The following KDM2A variants were observed in gnomAD, a reference collection of about 807,000 sequenced individuals.
KDM2A encodes lysine-specific demethylase 2A.
KDM2A carries 3 observed loss-of-function variants against 137.3 expected under a neutral mutation model. The observed-to-expected ratio is 0.02, with a 90% CI of 0.01 to 0.06. KDM2A has a LOEUF of 0.06. KDM2A is among the 10% of genes least tolerant of loss of function. KDM2A has a pLI of 1.00. For synonymous variants in KDM2A, 512 were observed against 541.5 expected (o/e 0.95, Z 0.76); for missense variants, 738 against 1,510.6 (o/e 0.49, Z 8.48).
intron 10 of KDM2A, among the ~76,000 whole-genome samples, chr11:67,225,093 G>T (rs541731205): frequency 6.6e-6 from 1 of 152,064 alleles, no homozygotes; most frequent in Non-Finnish European, 1.5e-5. Flanking sequence ...CTCCCAAAGC[G>T]CTGGGATTAC....
At chr11:67,165,847 T>C (rs1214168205) in intron 2 of KDM2A, among the ~76,000 whole-genome samples, 1 of 152,174 alleles carries the variant, frequency 6.6e-6, no homozygotes, top group Non-Finnish European at 1.5e-5. Flanking sequence ...GAAAGGTCAC[T>C]CTTACTTCCC....
intron 2 of KDM2A, among the ~76,000 whole-genome samples, chr11:67,145,803 G>C (rs1316383588): frequency 4.0e-5 from 6 of 150,510 alleles, no homozygotes; most frequent in African/African-American, 1.5e-4. Context: ...TGTTCTTTCT[G>C]AATCATACAT....
chr11:67,125,437 T>TCCCAAAGTGCTGGG (rs1394021010), intron 2 of KDM2A, among the ~76,000 whole-genome samples: 1 of 151,774 alleles, frequency 6.6e-6, no homozygotes, highest in African/African-American at 2.4e-5. Context: ...CGCCTTGGCC[T>TCCCAAAGTGCTGGG]CCCAACAAGT....
chr11:67,155,388 A>G (rs1352239528), intron 2 of KDM2A, among the ~76,000 whole-genome samples: 1 of 150,816 alleles, frequency 6.6e-6, no homozygotes, highest in East Asian at 2.0e-4. Flanking sequence ...GGTTCATTGC[A>G]GCGTCATACT....
rs370799587 is a variant in KDM2A, at chr11:67,243,002, C to T, written c.1480-7C>T. Reference sequence around the variant, plus strand: ...TGATTTTTCCTTCTTTTCCCTCCTACCCTTAGATTTTGCTGGAGGAGCTTG... The same window carrying T: ...TGATTTTTCCTTCTTTTCCCTCCTATCCTTAGATTTTGCTGGAGGAGCTTG... On this transcript the variant is annotated splice_region_variant and splice_polypyrimidine_tract_variant and intron_variant, in intron 12 of 20. Coordinates refer to ENST00000529006, the MANE Select transcript of KDM2A (RefSeq NM_012308.3). 3 of 1,612,814 alleles carry T rather than the reference C, an allele frequency of 1.9e-6. No individual in the cohort carries two copies. Among genetic ancestry groups the T allele is most frequent in the African/African-American group, 1.3e-5 (1 of 74,884 alleles).
At chr11:67,201,627 G>C (rs1259976377) in intron 5 of KDM2A, among the ~76,000 whole-genome samples, 2 of 151,778 alleles carry the variant, frequency 1.3e-5, no homozygotes, top group African/African-American at 4.8e-5. Flanking sequence ...AATTAGCCGA[G>C]TGTGGTGGCA....
At chr11:67,130,853 T>A (rs964662068) in intron 2 of KDM2A, among the ~76,000 whole-genome samples, 8 of 150,726 alleles carry the variant, frequency 5.3e-5, no homozygotes, top group African/African-American at 2.0e-4. Flanking sequence ...TGGTATCGTT[T>A]TAAACCTTGA....
chr11:67,162,886 T>C (rs183310230), intron 2 of KDM2A, among the ~76,000 whole-genome samples: 1 of 152,168 alleles, frequency 6.6e-6, no homozygotes, highest in Admixed American at 6.6e-5. Flanking sequence ...GCTAATTTAA[T>C]AAATTTTTTA....
chr11:67,142,122 T>C (rs1856118838), intron 2 of KDM2A, among the ~76,000 whole-genome samples: 1 of 151,860 alleles, frequency 6.6e-6, no homozygotes, highest in Non-Finnish European at 1.5e-5. Flanking sequence ...CACTGCAACC[T>C]CCACTTCCCA....
intron 5 of KDM2A, among the ~76,000 whole-genome samples, chr11:67,191,160 A>C (rs1857344097): frequency 6.6e-6 from 1 of 152,114 alleles, no homozygotes; most frequent in Admixed American, 6.6e-5. Flanking sequence ...TCCCTGCCTC[A>C]GCCTCCCAAG....
In KDM2A at chr11:67,250,503, T is replaced by G. The variant is rs936498299; in HGVS notation, c.2473T>G (p.Ser825Ala). The G allele has an allele frequency of 6.2e-7, 1 of 1,613,982 alleles. No individual in the cohort carries two copies. The highest frequency in any genetic ancestry group is 8.5e-7 in the Non-Finnish European group (1 of 1,179,894). The change falls in exon 17 of 21, where the codon TCC becomes GCC. Residue 825 changes from serine (S) to alanine (A), a missense_variant. This residue lies in a region of KDM2A where 244 missense variants were observed against 324.6 expected (regional missense o/e 0.75). Coordinates refer to ENST00000529006, the MANE Select transcript of KDM2A (RefSeq NM_012308.3). The surrounding 1 kb of genome is among the most constrained non-coding windows in gnomAD (Gnocchi z 7.1). ...IVPKLQAITA[S>A]SANLRHSPRV... ...GCCCAAGCTGCAGGCCATCACGGCCTCCTCTGCCAACCTTCGCCATTCCCC... is the reference window on the plus strand; with the variant it reads ...GCCCAAGCTGCAGGCCATCACGGCCGCCTCTGCCAACCTTCGCCATTCCCC...
chr11:67,188,787 T>C (rs1409943141), intron 5 of KDM2A, among the ~76,000 whole-genome samples: 3 of 123,330 alleles, frequency 2.4e-5, no homozygotes, highest in Non-Finnish European at 4.8e-5. Flanking sequence ...CAAGACACTG[T>C]CTCAAAAAAA....
chr11:67,185,487 G>A (rs910347375), intron 5 of KDM2A, among the ~76,000 whole-genome samples: 11 of 151,942 alleles, frequency 7.2e-5, no homozygotes, highest in Non-Finnish European at 1.5e-5. Flanking sequence ...AACTTAACTG[G>A]GCATGGTGGT....
chr11:67,127,822 T>C (rs1337534671), intron 2 of KDM2A, among the ~76,000 whole-genome samples: 1 of 151,982 alleles, frequency 6.6e-6, no homozygotes, highest in Non-Finnish European at 1.5e-5. Context: ...ATTCTCCTGC[T>C]TCAGCCTCTG....
intron 13 of KDM2A, 35 bp downstream of exon 13, chr11:67,243,127 T>C (rs1859100046): frequency 6.7e-7 from 1 of 1,490,720 alleles, no homozygotes; most frequent in Non-Finnish European, 9.4e-7. Context: ...TTAGGCTGCT[T>C]AAGCCTTTTG....
At chr11:67,202,980 G>T (rs1857680466) in intron 5 of KDM2A, among the ~76,000 whole-genome samples, 1 of 149,236 alleles carries the variant, frequency 6.7e-6, no homozygotes, top group Non-Finnish European at 1.5e-5. Context: ...GGGCAACAGA[G>T]CAAGACCCTG....
chr11:67,180,406 C>T (rs920599952), intron 3 of KDM2A, 189 bp downstream of exon 3: 2 of 505,790 alleles, frequency 4.0e-6, no homozygotes, highest in Non-Finnish European at 6.7e-6. Context: ...GTCATTCTCT[C>T]CTATATTAGA....
At chr11:67,126,686 C>T (rs902730776) in intron 2 of KDM2A, among the ~76,000 whole-genome samples, 3 of 141,216 alleles carry the variant, frequency 2.1e-5, no homozygotes, top group Non-Finnish European at 3.0e-5. Flanking sequence ...CCAGCCTGGG[C>T]GACAGAGCGA....
At chr11:67,230,643 A>G (rs1278451102) in intron 11 of KDM2A, among the ~76,000 whole-genome samples, 1 of 151,960 alleles carries the variant, frequency 6.6e-6, no homozygotes, top group Non-Finnish European at 1.5e-5. Context: ...ACAAACCACA[A>G]CATAAAAAAA....
Sources: allele counts gnomAD v4.1 joint callset (sites outside exome capture counted in the v4.1 genomes callset), GRCh38; gene constraint gnomAD v4.1.1; regional missense constraint gnomAD v4.1.1; non-coding constraint Gnocchi (gnomAD v3.1); transcripts MANE v1.5; gene names NCBI Gene and HGNC (gene_info 2026-07-23, HGNC 2026-07-21).